Variants in LINGO2 observed in about 807,000 individuals in gnomAD.
The protein encoded by LINGO2 is leucine rich repeat and Ig domain containing 2, also known as leucine-rich repeat and immunoglobulin-like domain-containing nogo receptor-interacting protein 2.
A neutral mutation model predicts 30.6 loss-of-function variants in LINGO2; 14 were observed. The observed-to-expected ratio is 0.46, with a 90% confidence interval of 0.30 to 0.72. The LOEUF (loss-of-function observed/expected upper bound fraction) is 0.72, where lower values mean the gene tolerates loss of function less well. Ranked by LOEUF, LINGO2 falls within the 30% of genes least tolerant of loss-of-function variation. The pLI is 0.07. For synonymous variants in LINGO2, 317 were observed against 288.5 expected (o/e 1.10, Z -1.00); for missense variants, 729 against 751.7 (o/e 0.97, Z 0.35).
chr9:28,537,723 T>G (rs1754248069), intron 1 of LINGO2, among the ~76,000 whole-genome samples: 2 of 151,958 alleles, frequency 1.3e-5, no homozygotes, highest in Admixed American at 1.3e-4. Context: ...TGAGAACTTA[T>G]AATGTGTGTA....
At chr9:29,188,199 G>C in the LINGO2 span, among the ~76,000 whole-genome samples, 1 of 151,648 alleles carries the variant, frequency 6.6e-6, no homozygotes, top group Non-Finnish European at 1.5e-5. Context: ...GGGTACTTAA[G>C]AGTAGGGAGT....
intron 1 of LINGO2, among the ~76,000 whole-genome samples, chr9:28,568,865 G>T (rs1344856305): frequency 1.4e-5 from 2 of 147,400 alleles, no homozygotes; most frequent in Non-Finnish European, 2.9e-5. Flanking sequence ...AACTTAAAAT[G>T]AAGGATGCTA....
At chr9:28,280,138 G>C (rs1587380076) in intron 4 of LINGO2, among the ~76,000 whole-genome samples, 2 of 152,016 alleles carry the variant, frequency 1.3e-5, no homozygotes, top group East Asian at 3.9e-4. Context: ...GTGGATGAAA[G>C]GCAAAGAATG....
the LINGO2 span, among the ~76,000 whole-genome samples, chr9:29,141,791 T>TGTCA: frequency 6.6e-6 from 1 of 151,742 alleles, no homozygotes; most frequent in South Asian, 2.1e-4. Flanking sequence ...GTAAAAAAAC[T>TGTCA]GTCACGGGAA....
chr9:29,075,890 A>AT, the LINGO2 span, among the ~76,000 whole-genome samples: 22 of 152,076 alleles, frequency 1.4e-4, no homozygotes, highest in South Asian at 6.2e-4. Context: ...TATATTCTTT[A>AT]TTTTTTTTAT....
the LINGO2 span, among the ~76,000 whole-genome samples, chr9:28,761,157 A>C: frequency 2.6e-5 from 4 of 151,940 alleles, no homozygotes; most frequent in Non-Finnish European, 4.4e-5. Flanking sequence ...TAATGTAGCA[A>C]ACTTTCATAA....
intron 3 of LINGO2, among the ~76,000 whole-genome samples, chr9:28,312,486 AAAT>A (rs1824667387): frequency 6.6e-6 from 1 of 152,184 alleles, no homozygotes; most frequent in Admixed American, 6.5e-5. Flanking sequence ...TACATTTTAA[AAAT>A]AATGATAAAA....
chr9:29,043,398 T>C, the LINGO2 span, among the ~76,000 whole-genome samples: 1 of 151,986 alleles, frequency 6.6e-6, no homozygotes, highest in African/African-American at 2.4e-5. Flanking sequence ...ATGATTAAAC[T>C]AGATGAACAA....
intron 1 of LINGO2, among the ~76,000 whole-genome samples, chr9:28,622,280 A>C (rs1826434048): frequency 1.3e-5 from 2 of 151,916 alleles, no homozygotes; most frequent in Admixed American, 1.3e-4. Context: ...CCTATTAACC[A>C]TCCCAACTTC....
At chr9:28,271,934 T>TA (rs1041957394) in intron 4 of LINGO2, among the ~76,000 whole-genome samples, 2 of 152,230 alleles carry the variant, frequency 1.3e-5, no homozygotes, top group Non-Finnish European at 2.9e-5. Flanking sequence ...AAGTGATTTC[T>TA]AAGCACATTG....
chr9:27,957,676 T>A (rs955642538), intron 5 of LINGO2, among the ~76,000 whole-genome samples: 1 of 140,524 alleles, frequency 7.1e-6, no homozygotes, highest in Non-Finnish European at 1.5e-5. Flanking sequence ...CAAAAATCCT[T>A]TGGGCTTTTC....
At chr9:28,024,962 A>G (rs1197348096) in intron 4 of LINGO2, among the ~76,000 whole-genome samples, 1 of 152,096 alleles carries the variant, frequency 6.6e-6, no homozygotes, top group East Asian at 1.9e-4. Context: ...GGCAGCCCTC[A>G]TTTGTTTTGC....
At chr9:28,257,917 C>A (rs1320071433) in intron 4 of LINGO2, among the ~76,000 whole-genome samples, 1 of 151,850 alleles carries the variant, frequency 6.6e-6, no homozygotes, top group Non-Finnish European at 1.5e-5. Context: ...TGGAGAATTA[C>A]TGATGTGCAA....
At chr9:28,550,891 T>A (rs2135501148) in intron 1 of LINGO2, among the ~76,000 whole-genome samples, 1 of 152,006 alleles carries the variant, frequency 6.6e-6, no homozygotes, top group South Asian at 2.1e-4. Flanking sequence ...GGATTACATA[T>A]TCCTATGGTG....
downstream of LINGO2, among the ~76,000 whole-genome samples, chr9:27,946,149 T>C (rs568221142): frequency 6.6e-6 from 1 of 152,280 alleles, no homozygotes; most frequent in Admixed American, 6.5e-5. Flanking sequence ...TCTGCTCATA[T>C]AAATTAGTGA....
the LINGO2 span, among the ~76,000 whole-genome samples, chr9:29,027,869 A>G: frequency 6.6e-6 from 1 of 152,198 alleles, no homozygotes; most frequent in African/African-American, 2.4e-5. Flanking sequence ...CATGGTAATT[A>G]TTGGCAATTA....
At chr9:28,342,666 G>C (rs980606571) in intron 3 of LINGO2, among the ~76,000 whole-genome samples, 1 of 152,050 alleles carries the variant, frequency 6.6e-6, no homozygotes, top group African/African-American at 2.4e-5. Context: ...CAGTATATGG[G>C]GTGAGTGGTG....
the LINGO2 span, chr9:27,941,408 G>A: frequency 1.3e-5 from 2 of 152,300 alleles, no homozygotes; most frequent in African/African-American, 4.8e-5. Context: ...CTGTACTCCA[G>A]CCTGTTGACA....
At chr9:28,782,848 G>A in the LINGO2 span, among the ~76,000 whole-genome samples, 1 of 152,262 alleles carries the variant, frequency 6.6e-6, no homozygotes, top group South Asian at 2.1e-4. Context: ...TCATCATTGT[G>A]CAACCTGCAG....
Sources: allele counts gnomAD v4.1 joint callset (sites outside exome capture counted in the v4.1 genomes callset), GRCh38; gene constraint gnomAD v4.1.1; transcripts MANE v1.5; gene names NCBI Gene and HGNC (gene_info 2026-07-23, HGNC 2026-07-21).